The following PSD variants were observed in gnomAD, a reference collection of about 807,000 sequenced individuals.
The protein encoded by PSD is pleckstrin and Sec7 domain containing, also known as PH and SEC7 domain-containing protein 1.
Under a neutral mutation model 91.6 loss-of-function variants are expected in PSD, and 32 were observed. The ratio of observed to expected loss-of-function variants is 0.35; its 90% CI spans 0.26 to 0.47. PSD has a LOEUF of 0.47. PSD is among the 20% of genes least tolerant of loss of function. PSD has a pLI of 1.00. For missense variants in PSD, 1,099 were observed against 1,373.9 expected (o/e 0.80, Z 3.16); for synonymous variants, 532 against 569.3 (o/e 0.93, Z 0.93).
At chr10:102,417,922 T>C (rs2061501648) in intron 1 of PSD, among the ~76,000 whole-genome samples, 1 of 152,018 alleles carries the variant, frequency 6.6e-6, no homozygotes, top group Non-Finnish European at 1.5e-5. Context: ...TTGTCCAGGC[T>C]AGTTTCAAAC....
At chr10:102,411,289 A>AAGGACCTATCCCTCTTCTC (rs139232314) in intron 8 of PSD, among the ~76,000 whole-genome samples, 173 bp from the exon 9 acceptor site, 148,285 of 151,542 alleles carry the variant, frequency 0.98, 72,538 homozygotes, top group Non-Finnish European at 1. Flanking sequence ...ATCCGTCAGC[A>AAGGACCTATCCCTCTTCTC]AGGACCCGTC....
chr10:102,402,889 A>T lies in PSD; in HGVS notation c.*311T>A. On this transcript the variant is annotated 3_prime_UTR_variant, in exon 17 of 17. Coordinates refer to ENST00000020673, the MANE Select transcript of PSD (RefSeq NM_002779.5). Reference sequence around the variant, plus strand: ...GGTGGGGGTGGTCTCAGCAGAAAGCAGAAACGGCATCAGGCCTCTCCCACA... The same window carrying T: ...GGTGGGGGTGGTCTCAGCAGAAAGCTGAAACGGCATCAGGCCTCTCCCACA... 3.3e-6 allele frequency: 1 copy of T among 301,950 alleles called. No homozygotes were observed. Among genetic ancestry groups the T allele is most frequent in the Non-Finnish European group, 6.1e-6 (1 of 164,002 alleles). 18.7% of individuals were successfully genotyped at this position (301,950 alleles called of 1,614,324 possible). A position where few individuals can be genotyped will look rare whatever the true frequency, so the allele number is the denominator to read the frequency against.
At chr10:102,411,877 T>TG in intron 7 of PSD, 58 bp from the exon 8 acceptor site, 2 of 1,307,802 alleles carry the variant, frequency 1.5e-6, no homozygotes, top group Non-Finnish European at 2.2e-6. Context: ...CCTCTGTCTC[T>TG]GGGGTGACAG....
At position 102,413,853 on chromosome 10, in the gene PSD, C is replaced by T. The variant is rs2061447844; in HGVS notation, c.1469G>A (p.Arg490Lys). The change falls in exon 5 of 17, where the codon AGA (arginine) becomes AAA (lysine). Residue 490 changes from arginine (R) to lysine (K), a missense_variant. By Grantham distance (26) the Arg-to-Lys change is conservative. This residue lies in a region of PSD where 631 missense variants were observed against 728.8 expected (regional missense o/e 0.87). Coordinates refer to ENST00000020673, the MANE Select transcript of PSD (RefSeq NM_002779.5). ...CTCCCTCCCTGGGGCCAGCTTGGCT[C>T]TGGCCTCTGCCTCCTCCTCCTCCCC... is the stretch of plus-strand genomic sequence containing the variant. ...QRGEEEEAEA[R>K]AKLAPGREPP... is the part of the protein sequence containing the mutation. 1.9e-6 allele frequency: 3 copies of T among 1,613,930 alleles called. No individual in the cohort carries two copies. Among genetic ancestry groups the T allele is most frequent in the Non-Finnish European group, 8.5e-7 (1 of 1,179,940 alleles).
rs2061295038 is a variant in PSD at position 102,402,844 on chromosome 10, A to C, written c.*356T>G. 3.9e-6 allele frequency: 1 copy of C among 258,270 alleles called. No individual in the cohort carries two copies. The highest frequency in any genetic ancestry group is 2.2e-5 in the African/African-American group (1 of 44,888). The allele number at this position is 258,270 out of a possible 1,614,324, so 16.0% of individuals were successfully genotyped here. ...CTGTCCAAGCCAGGCCCCAGGACAG[A>C]GGGGGACTGATGGTGTCAGGGTGGG... On this transcript the variant is annotated 3_prime_UTR_variant, in exon 17 of 17. Transcript: ENST00000020673.
rs1300060521 is a variant in PSD, at chr10:102,417,178, C to T, written c.-83-57G>A. 4 of 598,634 alleles carry T rather than the reference C, an allele frequency of 6.7e-6. No homozygotes were observed. In the East Asian group the frequency reaches 8.6e-5, roughly 13 times the overall value. The allele number at this position is 598,634 out of a possible 1,614,324, so 37.1% of individuals were successfully genotyped here. On this transcript the variant is annotated intron_variant, in intron 1 of 16. Transcript: ENST00000020673. ...CTGCCAAGGAGTTAGATGGATAGGACAGCAGAGATAGGGAAGGGAAAGTTG... is the reference window on the plus strand; with the variant it reads ...CTGCCAAGGAGTTAGATGGATAGGATAGCAGAGATAGGGAAGGGAAAGTTG...
chr10:102,406,705 C>CCA (rs1565221587), intron 11 of PSD, among the ~76,000 whole-genome samples: 2 of 152,168 alleles, frequency 1.3e-5, no homozygotes, highest in African/African-American at 2.4e-5. Flanking sequence ...GACGGTTTCA[C>CCA]CGTTTTAGCC....
Position 102,404,595 on chromosome 10 carries a change from G to T in PSD, c.2688C>A (p.Thr896=). 6.2e-7 allele frequency: 1 copy of T among 1,611,010 alleles called. No individual in the cohort carries two copies. Among genetic ancestry groups the T allele is most frequent in the Non-Finnish European group, 8.5e-7 (1 of 1,178,304 alleles). ...FSRPLLPSAA[T]RLSQEEQVRT... Reference sequence around the variant, plus strand: ...GAGCTTGGGCTACCTGGGAGAGGCGGGTGGCAGCGCTGGGCAGGAGAGGGC... The same window carrying T: ...GAGCTTGGGCTACCTGGGAGAGGCGTGTGGCAGCGCTGGGCAGGAGAGGGC... Residue 896 remains threonine, a synonymous_variant, in exon 15 of 17, where the codon ACC becomes ACA. Coordinates refer to ENST00000020673, the MANE Select transcript of PSD (RefSeq NM_002779.5). This position sits in a 1 kb window ranked among gnomAD's most constrained non-coding sequence, Gnocchi z 5.7.
At position 102,403,319 on chromosome 10, in the gene PSD, C is replaced by T. The variant is rs755219858; in HGVS notation, c.2956G>A (p.Gly986Arg). The T allele has an allele frequency of 6.2e-7, 1 of 1,614,162 alleles. No individual in the cohort carries two copies. Among genetic ancestry groups the T allele is most frequent in the South Asian group, 1.1e-5 (1 of 91,086 alleles). Residue 986 changes from glycine (G) to arginine (R), a missense_variant, in exon 17 of 17, where the codon GGA (glycine) becomes AGA (arginine). By Grantham distance (125) the Gly-to-Arg change is moderately radical. This residue lies in a region of PSD where 358 missense variants were observed against 426.5 expected (regional missense o/e 0.84). Coordinates refer to ENST00000020673, the MANE Select transcript of PSD (RefSeq NM_002779.5). This position sits in a 1 kb window ranked among gnomAD's most constrained non-coding sequence, Gnocchi z 6.7. ...GGACTGGAGTGAGAAGGAGGGAGTC[C>T]ATCCTCTGTGCTCCCGGCCTGGGCC... ...ALAQAGSTED[G>R]LPPSHSSPSL...
chr10:102,403,794 T>G lies in PSD; in HGVS notation c.2844+48A>C, dbSNP rs767035349. ...CTGTTAGAGTTCATGCCCTTCACCC[T>G]AGTATGGGCCTGCGTGTGTGGACAG... is the stretch of plus-strand genomic sequence containing the variant. On this transcript the variant is annotated intron_variant, in intron 16 of 16. Coordinates refer to ENST00000020673, the MANE Select transcript of PSD (RefSeq NM_002779.5). This position sits in a 1 kb window ranked among gnomAD's most constrained non-coding sequence, Gnocchi z 6.7. The G allele has an allele frequency of 1.3e-6, 2 of 1,577,234 alleles. No individual in the cohort carries two copies. The highest frequency in any genetic ancestry group is 1.8e-5 in the Admixed American group (1 of 56,704).
At chr10:102,407,954 G>A (rs1305612384) in intron 10 of PSD, among the ~76,000 whole-genome samples, 1 of 152,306 alleles carries the variant, frequency 6.6e-6, no homozygotes, top group African/African-American at 2.4e-5. Context: ...TCCCTGCATA[G>A]CCCAAACTCT....
In PSD at chr10:102,404,059, C is replaced by T. The variant is rs776394815; in HGVS notation, c.2701-74G>A. 58 of 1,432,502 alleles carry T rather than the reference C, an allele frequency of 4.0e-5. No individual in the cohort carries two copies. Among genetic ancestry groups the T allele is most frequent in the Non-Finnish European group, 5.3e-5 (57 of 1,083,250 alleles). 88.7% of individuals were successfully genotyped at this position (1,432,502 alleles called of 1,614,324 possible). A position where few individuals can be genotyped will look rare whatever the true frequency, so the allele number is the denominator to read the frequency against. On this transcript the variant is annotated intron_variant, in intron 15 of 16. Transcript: ENST00000020673. This position sits in a 1 kb window ranked among gnomAD's most constrained non-coding sequence, Gnocchi z 5.7. ...GCCTCTGCAGATTTTTAAAAAGATA[C>T]CCCTTCCAGCCGGGCGCGGTGGCTC...
chr10:102,415,278 C>G (rs769959277), intron 3 of PSD, 49 bp from the exon 4 acceptor site: 37 of 1,538,592 alleles, frequency 2.4e-5, no homozygotes, highest in Non-Finnish European at 3.1e-5. Flanking sequence ...ACGTCAGCTC[C>G]CTGTCCTAAT....
intron 1 of PSD, among the ~76,000 whole-genome samples, 162 bp downstream of exon 1, chr10:102,418,539 C>T (rs575038770): frequency 6.6e-6 from 1 of 152,120 alleles, no homozygotes; most frequent in African/African-American, 2.4e-5. Context: ...AAGACAGATC[C>T]CGCCCAGGAG....
In PSD at chr10:102,403,270, C is replaced by A. The variant is rs2135446352; in HGVS notation, c.3005G>T (p.Ser1002Ile). Reference sequence around the variant, plus strand: ...GCTGTGACGCTGAGCCCGGGGCTGGCTGGAGGGTTTGGGCTGCAGGGAGGG... The same window carrying A: ...GCTGTGACGCTGAGCCCGGGGCTGGATGGAGGGTTTGGGCTGCAGGGAGGG... ...SSPSLQPKPS[S>I]QPRAQRHSSE... is the part of the protein sequence containing the mutation. The change falls in exon 17 of 17, where the codon AGC becomes ATC. Residue 1002 changes from serine (S) to isoleucine (I), a missense_variant. Physicochemically the swap from Ser to Ile is moderately radical, Grantham distance 142. Around this residue, in one of 3 missense-constraint regions of PSD, gnomAD observed 358 missense variants for 426.5 expected, o/e 0.84. Transcript: ENST00000020673. This position sits in a 1 kb window ranked among gnomAD's most constrained non-coding sequence, Gnocchi z 6.7. The A allele has an allele frequency of 6.2e-7, 1 of 1,612,252 alleles. No individual in the cohort carries two copies. Among genetic ancestry groups the A allele is most frequent in the Non-Finnish European group, 8.5e-7 (1 of 1,178,904 alleles).
chr10:102,409,573 C>G lies in PSD; in HGVS notation c.2091+1285G>C, dbSNP rs2061404335. Among the ~76,000 whole-genome samples the G allele has an allele frequency of 6.6e-6, 1 of 152,092 alleles. No homozygotes were observed. Among genetic ancestry groups the G allele is most frequent in the Non-Finnish European group, 1.5e-5 (1 of 67,990 alleles). ...ACCGCTTCCCTGCAGCCCTTTTCCACTGAGCCAAGAGGGGCCTCGAGGGAG... is the reference window on the plus strand; with the variant it reads ...ACCGCTTCCCTGCAGCCCTTTTCCAGTGAGCCAAGAGGGGCCTCGAGGGAG... On this transcript the variant is annotated intron_variant, in intron 10 of 16. Transcript: ENST00000020673. This position sits in a 1 kb window ranked among gnomAD's most constrained non-coding sequence, Gnocchi z 5.7.
Position 102,404,872 on chromosome 10 carries a change from G to A in PSD, c.2555+26C>T, listed in dbSNP as rs367738141. 3.7e-5 allele frequency: 59 copies of A among 1,609,004 alleles called. No individual in the cohort carries two copies. The highest frequency in any genetic ancestry group is 2.7e-4 in the Admixed American group (16 of 59,582). ...GGATGGGAGGTGGGGGAAGGGGTCC[G>A]GGATGGGCAGGAGGAGGGCACTCAC... On this transcript the variant is annotated intron_variant, in intron 14 of 16. Transcript: ENST00000020673. This position sits in a 1 kb window ranked among gnomAD's most constrained non-coding sequence, Gnocchi z 5.7.
rs566943496 is a variant in PSD, at chr10:102,405,778, G to C, written c.2136-242C>G. 6.2e-5 allele frequency: 33 copies of C among 530,120 alleles called. No homozygotes were observed. The South Asian group carries it at 8.6e-4, about 14-fold the overall frequency. The allele number at this position is 530,120 out of a possible 1,614,324, so 32.8% of individuals were successfully genotyped here. ...GAGCCACCACTGTCCCTTCCTCCCA[G>C]CAAGTAGGGCCAGCACTATCCTCTC... On this transcript the variant is annotated intron_variant, in intron 11 of 16. Coordinates refer to ENST00000020673, the MANE Select transcript of PSD (RefSeq NM_002779.5). This position sits in a 1 kb window ranked among gnomAD's most constrained non-coding sequence, Gnocchi z 5.4.
chr10:102,413,195 G>A (rs940509812), intron 5 of PSD, among the ~76,000 whole-genome samples: 1 of 152,180 alleles, frequency 6.6e-6, no homozygotes, highest in Admixed American at 6.5e-5. Flanking sequence ...CCCAGAGACA[G>A]AGGCCGGAAA....
Sources: allele counts gnomAD v4.1 joint callset (sites outside exome capture counted in the v4.1 genomes callset), GRCh38; gene constraint gnomAD v4.1.1; regional missense constraint gnomAD v4.1.1; non-coding constraint Gnocchi (gnomAD v3.1); transcripts MANE v1.5; gene names NCBI Gene and HGNC (gene_info 2026-07-23, HGNC 2026-07-21).